Variants in SMARCA4 observed in about 807,000 individuals in gnomAD.
SMARCA4 encodes SWI/SNF related BAF chromatin remodeling complex subunit ATPase 4.
SMARCA4 carries 31 observed loss-of-function variants against 193.9 expected under a neutral mutation model. The observed-to-expected ratio is 0.16, with a 90% CI of 0.12 to 0.22. The LOEUF (loss-of-function observed/expected upper bound fraction) is 0.22, where lower values mean the gene tolerates loss of function less well. Ranked by LOEUF, SMARCA4 falls within the 10% of genes least tolerant of loss-of-function variation. The probability of loss-of-function intolerance (pLI) is 1.00; values close to 1 mark genes in which losing one functional copy is unlikely to be tolerated. For missense variants in SMARCA4, 1,148 were observed against 2,296.0 expected, an observed-to-expected ratio of 0.50 and a Z score of 10.22; for synonymous variants, 942 against 933.1, an observed-to-expected ratio of 1.01 and a Z score of -0.17.
At chr19:10,961,477 C>T (rs904761618) in intron 1 of SMARCA4, 2 of 151,882 alleles carry the variant, frequency 1.3e-5, no homozygotes, top group African/African-American at 4.8e-5. Context: ...CAAAGCTCGC[C>T]CCCCTCGCCC....
In SMARCA4 at chr19:11,003,174, G is replaced by A. The variant is rs2146100287; in HGVS notation, c.1943+15G>A. The stretch of plus-strand genomic sequence containing the variant: ...ATGAACCCGGGGTGAGTTGGGCCTT[G>A]CATTCCAGATGCAGTGGGGATCCAA... On this transcript the variant is annotated intron_variant, in intron 12 of 34. Transcript: ENST00000344626. 6.2e-7 allele frequency: 1 copy of A among 1,614,054 alleles called. No homozygotes were observed. The highest frequency in any genetic ancestry group is 8.5e-7 in the Non-Finnish European group (1 of 1,179,984).
chr19:11,036,422 G>A (rs1188852288), intron 29 of SMARCA4, among the ~76,000 whole-genome samples: 2 of 152,088 alleles, frequency 1.3e-5, no homozygotes, highest in East Asian at 1.9e-4. Flanking sequence ...AACACGCCTG[G>A]CTAATTTTAA....
In SMARCA4 at chr19:11,034,019, G is replaced by T; in HGVS notation, c.3874-104G>T. 1 of 873,528 alleles carries T rather than the reference G, an allele frequency of 1.1e-6. No individual in the cohort carries two copies. 54.1% of individuals were successfully genotyped at this position (873,528 alleles called of 1,614,324 possible). A position where few individuals can be genotyped will look rare whatever the true frequency, so the allele number is the denominator to read the frequency against. Reference sequence around the variant, plus strand: ...GGTCCCCATCCACCGCAGCCGTGCCGGGACCACCAGCTCATTCCCACGGAC... The same window carrying T: ...GGTCCCCATCCACCGCAGCCGTGCCTGGACCACCAGCTCATTCCCACGGAC... On this transcript the variant is annotated intron_variant, in intron 27 of 34. Coordinates refer to ENST00000344626, the MANE Select transcript of SMARCA4 (RefSeq NM_003072.5). This position sits in a 1 kb window ranked among gnomAD's most constrained non-coding sequence, Gnocchi z 7.0.
rs1222699298 is a variant in SMARCA4, at chr19:11,033,951, C to T, written c.3873+86C>T. ...CAGCAAGGGCCCTGGTCCCACGGAG[C>T]GTGCGTGTGCGTGTGCGTGTGTGTG... is the stretch of plus-strand genomic sequence containing the variant. On this transcript the variant is annotated intron_variant, in intron 27 of 34. Coordinates refer to ENST00000344626, the MANE Select transcript of SMARCA4 (RefSeq NM_003072.5). The surrounding 1 kb of genome is among the most constrained non-coding windows in gnomAD (Gnocchi z 9.8). 5.4e-6 allele frequency: 4 copies of T among 745,370 alleles called. No homozygotes were observed. Among genetic ancestry groups the T allele is most frequent in the Admixed American group, 1.9e-5 (1 of 54,006 alleles). 46.2% of individuals were successfully genotyped at this position (745,370 alleles called of 1,614,324 possible).
At chr19:10,989,076 G>A (rs2086318854) in intron 6 of SMARCA4, among the ~76,000 whole-genome samples, 1 of 152,230 alleles carries the variant, frequency 6.6e-6, no homozygotes, top group African/African-American at 2.4e-5. Flanking sequence ...CCACTGAAAA[G>A]GCATGACCTG....
intron 30 of SMARCA4, among the ~76,000 whole-genome samples, chr19:11,051,693 G>A (rs999209627): frequency 2.0e-5 from 3 of 151,982 alleles, no homozygotes; most frequent in Non-Finnish European, 4.4e-5. Context: ...GTTTAACCAC[G>A]TTGGCTAGGA....
At chr19:11,027,757 T>TTC in intron 23 of SMARCA4, 27 bp from the exon 24 acceptor site, 2 of 1,613,690 alleles carry the variant, frequency 1.2e-6, no homozygotes, top group Non-Finnish European at 1.7e-6. Flanking sequence ...ATCCTGCGCC[T>TTC]TCTCTCCTGC....
intron 30 of SMARCA4, among the ~76,000 whole-genome samples, chr19:11,047,409 G>GT (rs2076001195): frequency 1.1e-5 from 1 of 94,818 alleles, no homozygotes; most frequent in African/African-American, 4.7e-5. Context: ...CGTGTCCAGA[G>GT]GTTTTTTTTT....
At chr19:11,007,429 C>CAAAA (rs1188457080) in intron 13 of SMARCA4, among the ~76,000 whole-genome samples, 3 of 56,130 alleles carry the variant, frequency 5.3e-5, no homozygotes, top group East Asian at 6.4e-4. Flanking sequence ...CACTTCGTCT[C>CAAAA]AAAAAAAAAA....
intron 33 of SMARCA4, 23 bp downstream of exon 33, chr19:11,059,908 A>G (rs2147117866): frequency 6.2e-7 from 1 of 1,613,678 alleles, no homozygotes; most frequent in Non-Finnish European, 8.5e-7. Context: ...GGGGTTCAGG[A>G]CGCCGGGGTT....
intron 22 of SMARCA4, among the ~76,000 whole-genome samples, chr19:11,025,854 C>G (rs1049785285): frequency 6.6e-6 from 1 of 152,196 alleles, no homozygotes; most frequent in Non-Finnish European, 1.5e-5. Context: ...GAGTCACCAC[C>G]GTCTTCAGTG....
chr19:10,971,056 C>T (rs1568396396), intron 1 of SMARCA4, among the ~76,000 whole-genome samples: 2 of 152,172 alleles, frequency 1.3e-5, no homozygotes, highest in Middle Eastern at 3.4e-3. Context: ...ATTAGCTGGG[C>T]GTGGTGGCGC....
intron 6 of SMARCA4, 101 bp from the exon 7 acceptor site, chr19:10,989,216 A>G: frequency 7.0e-7 from 1 of 1,431,592 alleles, no homozygotes; most frequent in Non-Finnish European, 9.8e-7. Flanking sequence ...CCTCATGACT[A>G]GTGCCTGCCT....
chr19:10,988,663 G>T (rs2086280816), intron 6 of SMARCA4, among the ~76,000 whole-genome samples: 1 of 152,116 alleles, frequency 6.6e-6, no homozygotes, highest in Non-Finnish European at 1.5e-5. Flanking sequence ...TCCTCATGGA[G>T]GCCCTTCCTG....
In SMARCA4 at chr19:11,019,268, G is replaced by C; in HGVS notation, c.2505+245G>C. 1 of 616,694 alleles carries C rather than the reference G, an allele frequency of 1.6e-6. No homozygotes were observed. The allele number at this position is 616,694 out of a possible 1,614,324, so 38.2% of individuals were successfully genotyped here. On this transcript the variant is annotated intron_variant, in intron 17 of 34. Transcript: ENST00000344626. The surrounding 1 kb of genome is among the most constrained non-coding windows in gnomAD (Gnocchi z 6.1). Reference sequence around the variant, plus strand: ...CATGGTGGCCAGCACTCAGAGGCCAGCTCAGGCGCCTGAGATGGGGACCCA... The same window carrying C: ...CATGGTGGCCAGCACTCAGAGGCCACCTCAGGCGCCTGAGATGGGGACCCA...
At chr19:11,036,934 A>T (rs556609729) in intron 29 of SMARCA4, among the ~76,000 whole-genome samples, 1 of 152,218 alleles carries the variant, frequency 6.6e-6, no homozygotes, top group African/African-American at 2.4e-5. Context: ...CACGCAATGT[A>T]ACATGCTGAC....
At chr19:10,967,938 A>C (rs1035379919) in intron 1 of SMARCA4, among the ~76,000 whole-genome samples, 1 of 151,154 alleles carries the variant, frequency 6.6e-6, no homozygotes, top group African/African-American at 2.4e-5. Flanking sequence ...GTGCAATGGC[A>C]CGATCTTGGC....
chr19:11,018,891 A>G (rs533414641), intron 16 of SMARCA4, 66 bp from the exon 17 acceptor site: 10 of 1,335,954 alleles, frequency 7.5e-6, no homozygotes, highest in East Asian at 2.3e-5. Flanking sequence ...GCCAGTGGCT[A>G]TGGGTTTGCA....
Position 10,964,177 on chromosome 19 carries a change from C to G in SMARCA4, c.-32+3003C>G, listed in dbSNP as rs963735444. ...ATTTATTTACAATTTATTTGTGTAC[C>G]TTTGCTTCTCCTTGGGAACCCTCAA... On this transcript the variant is annotated intron_variant, in intron 1 of 34. Transcript: ENST00000344626. Among the ~76,000 whole-genome samples the G allele has an allele frequency of 1.1e-4, 17 of 152,048 alleles. 1 individual carries two copies. Among genetic ancestry groups the G allele is most frequent in the African/African-American group, 3.9e-4 (16 of 41,402 alleles).
Sources: allele counts gnomAD v4.1 joint callset (sites outside exome capture counted in the v4.1 genomes callset), GRCh38; gene constraint gnomAD v4.1.1; non-coding constraint Gnocchi (gnomAD v3.1); transcripts MANE v1.5; gene names NCBI Gene and HGNC (gene_info 2026-07-23, HGNC 2026-07-21).